KAZN: variants seen among roughly 807,000 people sequenced by gnomAD.
The protein encoded by KAZN is kazrin, periplakin interacting protein.
Under a neutral mutation model 87.4 loss-of-function variants are expected in KAZN, and 40 were observed. The observed-to-expected ratio is 0.46, with a 90% CI of 0.36 to 0.60. The LOEUF (loss-of-function observed/expected upper bound fraction) is 0.60. Among genes scored for constraint, KAZN ranks in the 20% least tolerant of loss-of-function variants. The pLI, the probability that KAZN is intolerant of heterozygous loss-of-function variation, is 0.00. For missense variants in KAZN, 898 were observed against 1,073.9 expected, an observed-to-expected ratio of 0.84 and a Z score of 2.29; for synonymous variants, 466 against 458.3, an observed-to-expected ratio of 1.02 and a Z score of -0.22.
chr1:14,989,928 G>T (rs1199450131), intron 2 of KAZN, among the ~76,000 whole-genome samples: 1 of 152,206 alleles, frequency 6.6e-6, no homozygotes, highest in East Asian at 1.9e-4. Context: ...GAGGAGATAG[G>T]CATCGATGTT....
At chr1:14,511,632 G>A (rs912227914) in intron 2 of KAZN, among the ~76,000 whole-genome samples, 1 of 152,136 alleles carries the variant, frequency 6.6e-6, no homozygotes, top group African/African-American at 2.4e-5. Flanking sequence ...TATACTAACG[G>A]ACAACATATT....
intron 2 of KAZN, among the ~76,000 whole-genome samples, chr1:14,482,400 A>C (rs1362589924): frequency 6.6e-6 from 1 of 152,204 alleles, no homozygotes; most frequent in Non-Finnish European, 1.5e-5. Flanking sequence ...CTCACGGCTA[A>C]GAGTGTAGGT....
At chr1:14,964,906 G>A (rs1332032393) in intron 2 of KAZN, among the ~76,000 whole-genome samples, 7 of 152,232 alleles carry the variant, frequency 4.6e-5, no homozygotes, top group Middle Eastern at 3.2e-3. Flanking sequence ...TGGGAAAAAC[G>A]GGGGCTTAGA....
intron 2 of KAZN, among the ~76,000 whole-genome samples, chr1:14,433,913 C>T (rs568221500): frequency 7.9e-5 from 12 of 152,314 alleles, no homozygotes; most frequent in African/African-American, 2.9e-4. Flanking sequence ...TCTGGATGTG[C>T]ACATGCACCA....
chr1:14,758,153 T>TCCTCCCTTCCTC (rs1644626534), intron 1 of KAZN, among the ~76,000 whole-genome samples: 3 of 149,108 alleles, frequency 2.0e-5, no homozygotes, highest in Non-Finnish European at 3.0e-5. Context: ...CTTCCTCCCT[T>TCCTCCCTTCCTC]CCTCCCTCCC....
intron 3 of KAZN, among the ~76,000 whole-genome samples, chr1:15,036,218 A>T (rs1339248453): frequency 6.2e-5 from 2 of 32,144 alleles, no homozygotes; most frequent in Admixed American, 7.4e-4. Flanking sequence ...TACCCTGCCT[A>T]CCTCTCCCCC....
chr1:14,944,864 C>T (rs891116078), intron 1 of KAZN, among the ~76,000 whole-genome samples: 3 of 152,234 alleles, frequency 2.0e-5, no homozygotes, highest in African/African-American at 7.2e-5. Flanking sequence ...GATGGCGGCA[C>T]CATCCTGTTC....
Position 14,119,896 on chromosome 1 carries a change from A to C in KAZN, c.92-60539A>C, listed in dbSNP as rs1434397786. Among the ~76,000 whole-genome samples, 4 of 152,330 alleles carry C rather than the reference A, an allele frequency of 2.6e-5. No homozygotes were observed. In the East Asian group the frequency reaches 5.8e-4, roughly 22 times the overall value. ...AGCAGGTCTTTGCCATGTGCCAGGC[A>C]CTGTTCTAAGGGCTTTATGTGTACG... On this transcript the variant is annotated intron_variant, in intron 1 of 16. Transcript: ENST00000636203.
rs775550258 is a variant in KAZN, at chr1:14,649,831, T to C, written c.226+50608T>C. Among the ~76,000 whole-genome samples, 5 of 152,118 alleles carry C rather than the reference T, an allele frequency of 3.3e-5. No individual in the cohort carries two copies. In the South Asian group the frequency reaches 8.3e-4, roughly 25 times the overall value. On this transcript the variant is annotated intron_variant, in intron 1 of 14. Coordinates refer to ENST00000376030, the MANE Select transcript of KAZN (RefSeq NM_201628.3). ...CATGATCCCATTAATCCAAGAATAT[T>C]TGGTACCTAATTATTTTTTATTTAT...
At chr1:14,046,566 T>G (rs762120871) in intron 1 of KAZN, among the ~76,000 whole-genome samples, 10 of 152,166 alleles carry the variant, frequency 6.6e-5, no homozygotes, top group Non-Finnish European at 1.3e-4. Flanking sequence ...CGCATAGAAC[T>G]TGCTTGCAGA....
intron 2 of KAZN, among the ~76,000 whole-genome samples, chr1:14,223,724 C>T (rs553611227): frequency 1.2e-4 from 19 of 152,228 alleles, no homozygotes; most frequent in African/African-American, 3.4e-4. Flanking sequence ...AGACTCTCGA[C>T]GATGAAACTG....
At chr1:15,016,707 C>T (rs1345636258) in intron 2 of KAZN, among the ~76,000 whole-genome samples, 4 of 152,182 alleles carry the variant, frequency 2.6e-5, no homozygotes, top group Non-Finnish European at 5.9e-5. Flanking sequence ...GCACAAGGCC[C>T]CTCCCTGGCC....
intron 1 of KAZN, among the ~76,000 whole-genome samples, chr1:14,612,202 G>C (rs1434700469): frequency 6.6e-6 from 1 of 152,190 alleles, no homozygotes; most frequent in South Asian, 2.1e-4. Flanking sequence ...TTAATTACTA[G>C]GGGTGTTGTG....
intron 2 of KAZN, among the ~76,000 whole-genome samples, chr1:14,573,470 AC>A (rs1169293079): frequency 2.0e-5 from 3 of 152,110 alleles, no homozygotes; most frequent in Admixed American, 2.0e-4. Flanking sequence ...GCATGGTGAA[AC>A]CCCGTCTCTA....
intron 4 of KAZN, among the ~76,000 whole-genome samples, chr1:15,046,863 A>G (rs955386224): frequency 4.6e-5 from 7 of 152,192 alleles, no homozygotes; most frequent in African/African-American, 1.7e-4. Flanking sequence ...AGGCCAGGAA[A>G]AGGCCCCTGT....
intron 1 of KAZN, among the ~76,000 whole-genome samples, chr1:14,806,525 A>G (rs1557509990): frequency 6.6e-6 from 1 of 152,216 alleles, no homozygotes; most frequent in Non-Finnish European, 1.5e-5. Context: ...GTTGATTGGC[A>G]GGAGAGATCC....
At chr1:14,444,618 C>CT in intron 2 of KAZN, among the ~76,000 whole-genome samples, 1 of 152,158 alleles carries the variant, frequency 6.6e-6, no homozygotes, top group Admixed American at 6.5e-5. Context: ...CGGCCCGATT[C>CT]TTTTTTCTGC....
intron 2 of KAZN, among the ~76,000 whole-genome samples, chr1:14,385,209 C>A (rs926805228): frequency 5.3e-5 from 8 of 151,874 alleles, no homozygotes; most frequent in Non-Finnish European, 7.4e-5. Context: ...TTCTTTTTTT[C>A]TTTATTAGTC....
intron 1 of KAZN, among the ~76,000 whole-genome samples, chr1:14,659,112 T>G (rs1349968192): frequency 6.6e-6 from 1 of 152,056 alleles, no homozygotes; most frequent in East Asian, 1.9e-4. Context: ...GCGGTGCACA[T>G]CTGTGATCCC....
Sources: gnomAD v4.1 joint callset for allele counts (sites outside exome capture counted in the v4.1 genomes callset) on GRCh38, gnomAD v4.1.1 for gene constraint, MANE v1.5 for transcripts, NCBI Gene and HGNC (gene_info 2026-07-23, HGNC 2026-07-21) for gene names.